The following SH3KBP1 variants were observed in gnomAD, a reference collection of about 807,000 sequenced individuals.
The protein encoded by SH3KBP1 is SH3 domain containing kinase binding protein 1, also known as SH3 domain-containing kinase-binding protein 1.
A neutral mutation model predicts 50.1 loss-of-function variants in SH3KBP1; 8 were observed. The ratio of observed to expected loss-of-function variants is 0.16; its 90% CI spans 0.09 to 0.29. The LOEUF is 0.29. Among genes scored for constraint, SH3KBP1 ranks in the 10% least tolerant of loss-of-function variants. SH3KBP1 has a pLI of 1.00. For synonymous variants in SH3KBP1, 227 were observed against 218.6 expected (o/e 1.04, Z -0.34); for missense variants, 377 against 535.2 (o/e 0.70, Z 2.92).
chrX:19,554,209 TATA>T (rs745329888), intron 13 of SH3KBP1, among the ~76,000 whole-genome samples: 3,170 of 75,988 alleles, frequency 0.042, 106 homozygotes, highest in Non-Finnish European at 0.055. Flanking sequence ...CATATTAAAA[TATA>T]ATATTATATA....
At chrX:19,817,178 T>C (rs894434107) in intron 2 of SH3KBP1, among the ~76,000 whole-genome samples, 1 of 112,344 alleles carries the variant, frequency 8.9e-6, no homozygotes, top group Non-Finnish European at 1.9e-5. Context: ...ACTATAACTA[T>C]TAAAGTTAAC....
chrX:19,539,671 G>A (rs2064825784), intron 16 of SH3KBP1, among the ~76,000 whole-genome samples: 1 of 112,154 alleles, frequency 8.9e-6, no homozygotes. Flanking sequence ...AAAAGCCAGA[G>A]AAAAGCAGGG....
chrX:19,723,987 A>C (rs746889585), intron 3 of SH3KBP1, among the ~76,000 whole-genome samples: 1 of 111,923 alleles, frequency 8.9e-6, no homozygotes, highest in South Asian at 3.7e-4. Flanking sequence ...ATTTATTCGA[A>C]GCAGATAAAG....
intron 8 of SH3KBP1, among the ~76,000 whole-genome samples, chrX:19,621,241 ATTTTTTTT>A (rs35328957): frequency 7.7e-5 from 5 of 64,584 alleles, no homozygotes; most frequent in African/African-American, 1.2e-4. Context: ...CACCTGGCTA[ATTTTTTTT>A]TTTTTTTTTT....
chrX:19,827,280 A>G (rs1040421294), intron 2 of SH3KBP1, among the ~76,000 whole-genome samples: 1 of 111,933 alleles, frequency 8.9e-6, no homozygotes, highest in Non-Finnish European at 1.9e-5. Context: ...GAACACATAC[A>G]AAAACAGGCA....
At chrX:19,636,158 G>A (rs2061698210) in intron 7 of SH3KBP1, among the ~76,000 whole-genome samples, 2 of 109,301 alleles carry the variant, frequency 1.8e-5, no homozygotes, top group Admixed American at 2.0e-4. Context: ...GAGAGAGAGA[G>A]AGAAAAAATA....
intron 13 of SH3KBP1, among the ~76,000 whole-genome samples, chrX:19,552,004 A>G (rs992109982): frequency 3.6e-5 from 4 of 112,129 alleles, no homozygotes; most frequent in African/African-American, 1.3e-4. Context: ...ATCTTACCAC[A>G]TCAAGACAAG....
chrX:19,669,608 G>A (rs559265089), intron 6 of SH3KBP1, among the ~76,000 whole-genome samples: 4 of 111,324 alleles, frequency 3.6e-5, no homozygotes, highest in African/African-American at 1.3e-4. Flanking sequence ...TCTTTATTTT[G>A]CATATAAATA....
intron 2 of SH3KBP1, among the ~76,000 whole-genome samples, chrX:19,799,110 T>A (rs2066815840): frequency 9.1e-6 from 1 of 109,302 alleles, no homozygotes; most frequent in South Asian, 4.0e-4. Flanking sequence ...CCCCCTTTAT[T>A]TCTTCACACT....
At chrX:19,549,080 C>T (rs1010992574) in intron 14 of SH3KBP1, among the ~76,000 whole-genome samples, 3 of 111,821 alleles carry the variant, frequency 2.7e-5, no homozygotes, top group Middle Eastern at 4.6e-3. Context: ...ATTGGCTAAA[C>T]GCTCACATAC....
At chrX:19,827,309 C>G (rs2067713329) in intron 2 of SH3KBP1, among the ~76,000 whole-genome samples, 1 of 111,843 alleles carries the variant, frequency 8.9e-6, no homozygotes, top group African/African-American at 3.2e-5. Context: ...AGCTTACTTC[C>G]TCACAGACAG....
At chrX:19,881,242 G>C (rs1190638453) in intron 1 of SH3KBP1, among the ~76,000 whole-genome samples, 1 of 112,004 alleles carries the variant, frequency 8.9e-6, no homozygotes, top group African/African-American at 3.3e-5. Context: ...AGGATCTAAA[G>C]CATTTGCAGA....
intron 7 of SH3KBP1, among the ~76,000 whole-genome samples, chrX:19,634,074 G>A (rs1158648538): frequency 1.1e-5 from 1 of 94,614 alleles, no homozygotes; most frequent in Non-Finnish European, 2.1e-5. Context: ...GTGTGTGTGT[G>A]TGTGTGTGTG....
intron 2 of SH3KBP1, among the ~76,000 whole-genome samples, chrX:19,820,825 T>C (rs999310209): frequency 1.7e-4 from 19 of 111,471 alleles, no homozygotes; most frequent in African/African-American, 6.2e-4. Flanking sequence ...CTTTTATATA[T>C]AGGCAGTTTT....
chrX:19,814,562 A>G (rs949495738), intron 2 of SH3KBP1, among the ~76,000 whole-genome samples: 1 of 111,695 alleles, frequency 9.0e-6, no homozygotes, highest in African/African-American at 3.3e-5. Flanking sequence ...ACCCTCCTCC[A>G]TAGGGCCTTT....
intron 2 of SH3KBP1, among the ~76,000 whole-genome samples, chrX:19,809,340 A>T (rs935260317): frequency 4.5e-5 from 5 of 111,373 alleles, no homozygotes; most frequent in Non-Finnish European, 7.5e-5. Flanking sequence ...CCTGGCCAAC[A>T]TGGTGAAACC....
rs1344996824 is a variant in SH3KBP1 at position 19,542,124 on chromosome X, G to A, written c.1693C>T (p.Pro565Ser). 2 of 1,199,742 alleles carry A rather than the reference G, an allele frequency of 1.7e-6. No individual in the cohort carries two copies. The highest frequency in any genetic ancestry group is 2.2e-6 in the Non-Finnish European group (2 of 889,008). Reference sequence around the variant, plus strand: ...GGGGAGGGCGCCGCTGAGGACAGAGGGGCTGGCCCACCGCCACCTGCTGCC... The same window carrying A: ...GGGGAGGGCGCCGCTGAGGACAGAGAGGCTGGCCCACCGCCACCTGCTGCC... Reference protein sequence around the residue: ...TMAAGGGGPAPLSSAAPSPLS... With the variant: ...TMAAGGGGPASLSSAAPSPLS... Residue 565 changes from proline (P) to serine (S), a missense_variant, in exon 16 of 18, where the codon CCT becomes TCT. Coordinates refer to ENST00000397821, the MANE Select transcript of SH3KBP1 (RefSeq NM_031892.3).
At chrX:19,767,358 C>A in intron 2 of SH3KBP1, among the ~76,000 whole-genome samples, 1 of 112,354 alleles carries the variant, frequency 8.9e-6, no homozygotes, top group Non-Finnish European at 1.9e-5. Context: ...TCCCAGAAAT[C>A]TTGTTTCTTT....
intron 12 of SH3KBP1, among the ~76,000 whole-genome samples, chrX:19,585,523 T>C (rs892059338): frequency 5.4e-5 from 6 of 111,075 alleles, no homozygotes; most frequent in Non-Finnish European, 1.1e-4. Flanking sequence ...AGAGCAATCA[T>C]GAGATCTAAG....
Sources: allele counts gnomAD v4.1 joint callset (sites outside exome capture counted in the v4.1 genomes callset), GRCh38; gene constraint gnomAD v4.1.1; transcripts MANE v1.5; gene names NCBI Gene and HGNC (gene_info 2026-07-23, HGNC 2026-07-21).